The following SYNDIG1 variants were observed in gnomAD, a reference collection of about 807,000 sequenced individuals.
SYNDIG1 encodes synapse differentiation-inducing gene protein 1.
Under a neutral mutation model 19.4 loss-of-function variants are expected in SYNDIG1, and 9 were observed. That is an observed-to-expected ratio of 0.46 (90% CI 0.28 to 0.81). SYNDIG1 has a LOEUF of 0.81. Among genes scored for constraint, SYNDIG1 ranks in the 30% least tolerant of loss-of-function variants. The pLI is 0.12. For missense variants in SYNDIG1, 311 were observed against 343.3 expected, an observed-to-expected ratio of 0.91 and a Z score of 0.74; for synonymous variants, 141 against 145.9, an observed-to-expected ratio of 0.97 and a Z score of 0.24.
intron 1 of SYNDIG1, 139 bp from the exon 2 acceptor site, chr20:24,542,881 G>C: frequency 1.5e-6 from 1 of 664,462 alleles, no homozygotes; most frequent in Non-Finnish European, 2.5e-6. Flanking sequence ...TGAATAGGTA[G>C]GACTGCATTT....
chr20:24,524,554 G>C (rs1403700600), intron 1 of SYNDIG1, among the ~76,000 whole-genome samples: 1 of 151,874 alleles, frequency 6.6e-6, no homozygotes, highest in Non-Finnish European at 1.5e-5. Flanking sequence ...GCTGAGGCAG[G>C]AGAACGGCGT....
intron 1 of SYNDIG1, among the ~76,000 whole-genome samples, chr20:24,532,480 A>G (rs147755922): frequency 1.3e-5 from 2 of 152,336 alleles, no homozygotes; most frequent in South Asian, 2.1e-4. Context: ...CATCATGGGC[A>G]TGGGGTGACA....
intron 3 of SYNDIG1, among the ~76,000 whole-genome samples, chr20:24,612,820 CAG>C: frequency 6.6e-6 from 1 of 152,330 alleles, no homozygotes; most frequent in African/African-American, 2.4e-5. Flanking sequence ...GCCAGTCACT[CAG>C]GGGCAGGGAC....
At chr20:24,663,438 T>G (rs532578437) in intron 3 of SYNDIG1, among the ~76,000 whole-genome samples, 1 of 152,274 alleles carries the variant, frequency 6.6e-6, no homozygotes, top group Non-Finnish European at 1.5e-5. Context: ...GGGCCAGAAC[T>G]GAGGTCAAGA....
chr20:24,486,992 A>T (rs913720229), intron 1 of SYNDIG1, among the ~76,000 whole-genome samples: 1 of 151,494 alleles, frequency 6.6e-6, no homozygotes, highest in African/African-American at 2.4e-5. Flanking sequence ...CAGTGATGAC[A>T]GTGCTGCTAG....
chr20:24,499,502 C>T (rs2056389185), intron 1 of SYNDIG1, among the ~76,000 whole-genome samples: 1 of 152,238 alleles, frequency 6.6e-6, no homozygotes, highest in South Asian at 2.1e-4. Context: ...GGCAAGGCTG[C>T]ACTGCATACA....
chr20:24,637,689 G>T (rs146598808), intron 3 of SYNDIG1, among the ~76,000 whole-genome samples: 1 of 152,234 alleles, frequency 6.6e-6, no homozygotes, highest in African/African-American at 2.4e-5. Context: ...AAAGAGCAGA[G>T]CAGGTGCTCT....
chr20:24,533,968 T>C (rs2057312630), intron 1 of SYNDIG1, among the ~76,000 whole-genome samples: 1 of 152,188 alleles, frequency 6.6e-6, no homozygotes. Context: ...GGCACGGCAC[T>C]GGCATCTGCT....
At chr20:24,500,042 G>A (rs1361561346) in intron 1 of SYNDIG1, among the ~76,000 whole-genome samples, 2 of 152,148 alleles carry the variant, frequency 1.3e-5, no homozygotes, top group African/African-American at 4.8e-5. Flanking sequence ...CATCAGGAAA[G>A]GGAACCCAAA....
chr20:24,587,421 C>T (rs1306929514), intron 3 of SYNDIG1, among the ~76,000 whole-genome samples: 1 of 152,198 alleles, frequency 6.6e-6, no homozygotes, highest in East Asian at 1.9e-4. Flanking sequence ...AGTGGTGGTT[C>T]CGGGAGCTGC....
At chr20:24,515,302 A>T (rs1249580307) in intron 1 of SYNDIG1, among the ~76,000 whole-genome samples, 1 of 152,240 alleles carries the variant, frequency 6.6e-6, no homozygotes, top group African/African-American at 2.4e-5. Context: ...AGATAGAGAC[A>T]CAAAAAACCC....
rs550060320 is a variant in SYNDIG1 at position 24,650,986 on chromosome 20, C to T, written c.619-14360C>T. Among the ~76,000 whole-genome samples, 10 of 152,276 alleles carry T rather than the reference C, an allele frequency of 6.6e-5. No individual in the cohort carries two copies. The South Asian group carries it at 1.2e-3, about 19-fold the overall frequency. ...AAGTAGCTGGGATTACAGGTGCGCA[C>T]CACCATGTCTGGCTAGTTTTTTTGT... On this transcript the variant is annotated intron_variant, in intron 3 of 3. Coordinates refer to ENST00000376862, the MANE Select transcript of SYNDIG1 (RefSeq NM_024893.3).
intron 3 of SYNDIG1, among the ~76,000 whole-genome samples, chr20:24,652,511 T>A (rs1173126030): frequency 6.6e-6 from 1 of 152,252 alleles, no homozygotes; most frequent in Admixed American, 6.5e-5. Flanking sequence ...TGCTCATGGT[T>A]GGCTGTGACT....
intron 3 of SYNDIG1, among the ~76,000 whole-genome samples, chr20:24,656,119 T>A (rs1319827585): frequency 1.3e-5 from 2 of 152,340 alleles, no homozygotes; most frequent in Middle Eastern, 3.4e-3. Flanking sequence ...TATACGGTGC[T>A]GTTCTTAGTG....
intron 3 of SYNDIG1, among the ~76,000 whole-genome samples, chr20:24,627,605 G>T (rs1014046083): frequency 1.3e-5 from 2 of 152,234 alleles, no homozygotes; most frequent in Non-Finnish European, 2.9e-5. Flanking sequence ...TCTTTCAAAG[G>T]CTAAAAGACA....
At chr20:24,571,309 G>A (rs2058138748) in intron 2 of SYNDIG1, among the ~76,000 whole-genome samples, 1 of 152,180 alleles carries the variant, frequency 6.6e-6, no homozygotes. Context: ...GGTTTAGTCA[G>A]AAGTGTTATA....
At chr20:24,509,247 A>G (rs1193345603) in intron 1 of SYNDIG1, among the ~76,000 whole-genome samples, 1 of 152,200 alleles carries the variant, frequency 6.6e-6, no homozygotes, top group Non-Finnish European at 1.5e-5. Flanking sequence ...TTGTGATTAT[A>G]AAATAATTCT....
At chr20:24,541,987 G>A (rs1318475771) in intron 1 of SYNDIG1, among the ~76,000 whole-genome samples, 1 of 152,154 alleles carries the variant, frequency 6.6e-6, no homozygotes, top group African/African-American at 2.4e-5. Flanking sequence ...GTAGGAGTGG[G>A]TACCAGCAAA....
At chr20:24,512,475 G>A (rs1015460615) in intron 1 of SYNDIG1, among the ~76,000 whole-genome samples, 1 of 151,950 alleles carries the variant, frequency 6.6e-6, no homozygotes, top group African/African-American at 2.4e-5. Flanking sequence ...TTAGCAAACG[G>A]CACACCAAGA....
Sources: gnomAD v4.1 joint callset for allele counts (sites outside exome capture counted in the v4.1 genomes callset) on GRCh38, gnomAD v4.1.1 for gene constraint, MANE v1.5 for transcripts, NCBI Gene and HGNC (gene_info 2026-07-23, HGNC 2026-07-21) for gene names.